Variants in CPSF6 observed in about 807,000 individuals in gnomAD.
CPSF6 encodes cleavage and polyadenylation specificity factor subunit 6.
In CPSF6, 10 loss-of-function variants were observed where a neutral mutation model predicts 56.7. The ratio of observed to expected loss-of-function variants is 0.18; its 90% confidence interval spans 0.11 to 0.30. The LOEUF is 0.30. Ranked by LOEUF, CPSF6 falls within the 10% of genes least tolerant of loss-of-function variation. CPSF6 has a pLI of 1.00. For missense variants in CPSF6, 419 were observed against 722.9 expected (o/e 0.58, Z 4.82); for synonymous variants, 248 against 244.8 (o/e 1.01, Z -0.12).
intron 9 of CPSF6, among the ~76,000 whole-genome samples, chr12:69,268,725 A>G (rs888747167): frequency 4.6e-5 from 7 of 151,676 alleles, no homozygotes; most frequent in Non-Finnish European, 8.9e-5. Flanking sequence ...GTTTGCATAT[A>G]TATGTATTCT....
Position 69,260,132 on chromosome 12 carries a change from T to A in CPSF6, c.1404T>A (p.Val468=), listed in dbSNP as rs780012868. ...SKVSADDRCK[V]LISSLQDCLH... is the part of the protein sequence containing the mutation. ...TATCTGCTGATGATCGTTGCAAAGT[T>A]CTTATTAGTTCTTTGCAAGATTGCC... The change falls in exon 8 of 10, where the codon GTT becomes GTA. Residue 468 remains valine (V), a synonymous_variant. Transcript: ENST00000435070. 133 of 1,613,312 alleles carry A rather than the reference T, an allele frequency of 8.2e-5. No individual in the cohort carries two copies. Among genetic ancestry groups the A allele is most frequent in the Non-Finnish European group, 1.1e-4 (127 of 1,179,632 alleles).
Position 69,253,166 on chromosome 12 carries a change from T to C in CPSF6, c.374+12T>C, listed in dbSNP as rs1050154235. ...GGCCAGTCAAAGGGGTAAGTTTTTT[T>C]TTTCTTTCTTTTTGATTTAGTAGCT... is the stretch of plus-strand genomic sequence containing the variant. On this transcript the variant is annotated intron_variant, in intron 3 of 9. Transcript: ENST00000435070. 1 of 1,371,914 alleles carries C rather than the reference T, an allele frequency of 7.3e-7. No individual in the cohort carries two copies. Among genetic ancestry groups the C allele is most frequent in the Middle Eastern group, 1.8e-4 (1 of 5,478 alleles). The allele number at this position is 1,371,914 out of a possible 1,614,324, so 85.0% of individuals were successfully genotyped here. A position where few individuals can be genotyped will look rare whatever the true frequency, so the allele number is the denominator to read the frequency against.
chr12:69,249,227 C>T (rs1872100325), intron 1 of CPSF6, among the ~76,000 whole-genome samples: 1 of 134,300 alleles, frequency 7.4e-6, no homozygotes, highest in Non-Finnish European at 1.5e-5. Flanking sequence ...GCCGAGATTG[C>T]GCCACTGCAC....
chr12:69,249,112 T>G (rs1445466168), intron 1 of CPSF6, among the ~76,000 whole-genome samples: 1 of 122,018 alleles, frequency 8.2e-6, no homozygotes, highest in African/African-American at 3.2e-5. Context: ...TACAAGAAAT[T>G]AGCTGGGCAA....
At chr12:69,252,048 G>T (rs1324427872) in intron 2 of CPSF6, 1 of 455,660 alleles carries the variant, frequency 2.2e-6, no homozygotes, top group Non-Finnish European at 4.4e-6. Flanking sequence ...TAATAACACT[G>T]TATTTTTAAA....
chr12:69,250,108 C>T (rs555515081), intron 1 of CPSF6, among the ~76,000 whole-genome samples: 10 of 152,058 alleles, frequency 6.6e-5, no homozygotes, highest in East Asian at 1.9e-4. Flanking sequence ...TCATTTATTA[C>T]GACATTTTGA....
Position 69,260,040 on chromosome 12 carries a change from A to G in CPSF6, c.1316-4A>G. ...GACTTCAAACCCTTTCCTTTCCCTC[A>G]CAGGTGATTATGGGAGTGCTATTGA... On this transcript the variant is annotated splice_polypyrimidine_tract_variant and splice_region_variant and intron_variant, in intron 7 of 9. Transcript: ENST00000435070. 2 of 1,611,210 alleles carry G rather than the reference A, an allele frequency of 1.2e-6. No homozygotes were observed. Among genetic ancestry groups the G allele is most frequent in the Non-Finnish European group, 1.7e-6 (2 of 1,179,282 alleles).
intron 6 of CPSF6, 84 bp downstream of exon 6, chr12:69,259,178 T>TA (rs535611206): frequency 3.5e-6 from 5 of 1,426,834 alleles, no homozygotes; most frequent in African/African-American, 1.4e-5. Context: ...GGTATATAAA[T>TA]ATGTTATTTC....
intron 1 of CPSF6, among the ~76,000 whole-genome samples, chr12:69,242,825 T>G (rs975563616): frequency 1.3e-5 from 2 of 152,188 alleles, no homozygotes; most frequent in Non-Finnish European, 2.9e-5. Context: ...TTGAATTGTT[T>G]AGCGCGAGTG....
intron 8 of CPSF6, among the ~76,000 whole-genome samples, chr12:69,261,833 A>G (rs184528159): frequency 1.3e-5 from 2 of 152,158 alleles, no homozygotes; most frequent in Non-Finnish European, 2.9e-5. Context: ...TATTCTTGCT[A>G]CTGGTCATAA....
intron 1 of CPSF6, among the ~76,000 whole-genome samples, chr12:69,244,596 CTG>C (rs199697564): frequency 0.019 from 2,917 of 151,882 alleles, 36 homozygotes; most frequent in Non-Finnish European, 0.033. Context: ...CAAGGTCTTA[CTG>C]TGTTGCACAG....
Position 69,271,580 on chromosome 12 carries a change from C to T in CPSF6, c.*2072C>T, listed in dbSNP as rs1565653377. ...ATTGCTCCTTCTATATCACTCTTCT[C>T]CTTGCTTGGCTGATCTCATTACATG... On this transcript the variant is annotated 3_prime_UTR_variant, in exon 10 of 10. Transcript: ENST00000435070. 6.6e-6 allele frequency: 1 copy of T among 151,648 alleles called. No individual in the cohort carries two copies. The highest frequency in any genetic ancestry group is 1.5e-5 in the Non-Finnish European group (1 of 67,652). The allele number at this position is 151,648 out of a possible 1,614,324, so 9.4% of individuals were successfully genotyped here. A position where few individuals can be genotyped will look rare whatever the true frequency, so the allele number is the denominator to read the frequency against.
In CPSF6 at chr12:69,271,790, AC is replaced by A. The variant is rs935458438; in HGVS notation, c.*2287del. ...TTGCAGGCCTTGTTTTGTTCTTCAT[AC>A]CCCCTTCAGTTGTTTATGGGTTAAT... On this transcript the variant is annotated 3_prime_UTR_variant, in exon 10 of 10. Transcript: ENST00000435070. The A allele has an allele frequency of 4.0e-5, 6 of 151,414 alleles. No homozygotes were observed. Among genetic ancestry groups the A allele is most frequent in the Admixed American group, 3.9e-4 (6 of 15,190 alleles). The allele number at this position is 151,414 out of a possible 1,614,324, so 9.4% of individuals were successfully genotyped here.
chr12:69,248,121 T>A (rs917476626), intron 1 of CPSF6, among the ~76,000 whole-genome samples: 4 of 152,214 alleles, frequency 2.6e-5, no homozygotes, highest in Non-Finnish European at 4.4e-5. Context: ...AATTCATGGA[T>A]GGACAAAAAT....
In CPSF6 at chr12:69,258,211, A is replaced by G; in HGVS notation, c.694+306A>G. 1 of 913,034 alleles carries G rather than the reference A, an allele frequency of 1.1e-6. No individual in the cohort carries two copies. Among genetic ancestry groups the G allele is most frequent in the East Asian group, 2.6e-5 (1 of 37,748 alleles). 56.6% of individuals were successfully genotyped at this position (913,034 alleles called of 1,614,324 possible). A position where few individuals can be genotyped will look rare whatever the true frequency, so the allele number is the denominator to read the frequency against. Reference sequence around the variant, plus strand: ...ATATTTACATCCGTCTTACTTTCTTACCTCTTAAAAAAATCCTTTCAAGAT... The same window carrying G: ...ATATTTACATCCGTCTTACTTTCTTGCCTCTTAAAAAAATCCTTTCAAGAT... On this transcript the variant is annotated intron_variant, in intron 5 of 9. Coordinates refer to ENST00000435070, the MANE Select transcript of CPSF6 (RefSeq NM_007007.3). The surrounding 1 kb of genome is among the most constrained non-coding windows in gnomAD (Gnocchi z 4.2).
intron 8 of CPSF6, among the ~76,000 whole-genome samples, chr12:69,261,026 T>C (rs1872721064): frequency 6.6e-6 from 1 of 152,208 alleles, no homozygotes; most frequent in African/African-American, 2.4e-5. Context: ...ATCTTTTAGG[T>C]AGTTCCTTTT....
Position 69,246,419 on chromosome 12 carries a change from A to G in CPSF6, c.61-4710A>G, listed in dbSNP as rs919160974. On this transcript the variant is annotated intron_variant, in intron 1 of 9. Coordinates refer to ENST00000435070, the MANE Select transcript of CPSF6 (RefSeq NM_007007.3). ...ATGGATAGAAATGTTCAGGGAAGCT[A>G]GAACTCTTCTCTATTTTGTTATTTA... 3.9e-5 allele frequency among the ~76,000 whole-genome samples: 6 copies of G among 152,216 alleles called. No homozygotes were observed. In the East Asian group the frequency reaches 7.7e-4, roughly 20 times the overall value.
rs1264100929 is a variant in CPSF6 at position 69,271,556 on chromosome 12, T to C, written c.*2048T>C. On this transcript the variant is annotated 3_prime_UTR_variant, in exon 10 of 10. Transcript: ENST00000435070. ...ATATTTTATCAATGGAACCTTTTAA[T>C]TGCTCCTTCTATATCACTCTTCTCC... 6.6e-6 allele frequency: 1 copy of C among 151,778 alleles called. No homozygotes were observed. Among genetic ancestry groups the C allele is most frequent in the Admixed American group, 6.6e-5 (1 of 15,240 alleles). The allele number at this position is 151,778 out of a possible 1,614,324, so 9.4% of individuals were successfully genotyped here.
chr12:69,250,440 A>G (rs1175565382), intron 1 of CPSF6, among the ~76,000 whole-genome samples: 1 of 151,712 alleles, frequency 6.6e-6, no homozygotes, highest in Non-Finnish European at 1.5e-5. Flanking sequence ...TATAATAAAT[A>G]TCAGTGGAAA....
Sources: allele counts gnomAD v4.1 joint callset (sites outside exome capture counted in the v4.1 genomes callset), GRCh38; gene constraint gnomAD v4.1.1; non-coding constraint Gnocchi (gnomAD v3.1); transcripts MANE v1.5; gene names NCBI Gene and HGNC (gene_info 2026-07-23, HGNC 2026-07-21).